The following DBR1 variants were observed in gnomAD, a reference collection of about 807,000 sequenced individuals.
DBR1 encodes lariat debranching enzyme.
DBR1 carries 33 observed loss-of-function variants against 45.9 expected under a neutral mutation model. That is an observed-to-expected ratio of 0.72 (90% CI 0.55 to 0.96). DBR1 has a LOEUF of 0.96. DBR1 is among the 40% of genes least tolerant of loss of function. The pLI is 0.00. For missense variants in DBR1, 619 were observed against 667.4 expected (o/e 0.93, Z 0.80); for synonymous variants, 235 against 235.9 (o/e 1.00, Z 0.04).
At chr3:138,164,017 C>T (rs2042919381) in intron 5 of DBR1, 159 bp from the exon 6 acceptor site, 1 of 482,014 alleles carries the variant, frequency 2.1e-6, no homozygotes, top group East Asian at 3.4e-5. Flanking sequence ...TAATTCTATA[C>T]CCACTTGTGT....
intron 3 of DBR1, among the ~76,000 whole-genome samples, chr3:138,170,620 A>G (rs1301933005): frequency 6.6e-6 from 1 of 152,254 alleles, no homozygotes; most frequent in African/African-American, 2.4e-5. Flanking sequence ...CCTGCCACAG[A>G]GAAGACAGCC....
chr3:138,171,687 C>T lies in DBR1; in HGVS notation c.349G>A (p.Gly117Ser). Residue 117 changes from glycine (G) to serine (S), a missense_variant, in exon 3 of 8, where the codon GGT becomes AGT. Coordinates refer to ENST00000260803, the MANE Select transcript of DBR1 (RefSeq NM_016216.4). ...LGLAGVVKYRGVRIGGISGIF... is the reference protein window; with the variant it reads ...LGLAGVVKYRSVRIGGISGIF... ...CCAGAGATTCCACCGATCCTTACACCTCGGTATTTTACCACACCAGCCAAA... is the reference window on the plus strand; with the variant it reads ...CCAGAGATTCCACCGATCCTTACACTTCGGTATTTTACCACACCAGCCAAA... The T allele has an allele frequency of 6.2e-7, 1 of 1,613,512 alleles. No homozygotes were observed. Among genetic ancestry groups the T allele is most frequent in the African/African-American group, 1.3e-5 (1 of 74,994 alleles).
Position 138,162,097 on chromosome 3 carries a change from A to G in DBR1, c.1427T>C (p.Ile476Thr). ...ATCCACCGTATCATCAGAAGATACA[A>G]TCATAGAGCCTGGCAAGATCCTGAC... ...SDVRILPGSM[I>T]VSSDDTVDST... Residue 476 changes from isoleucine (I) to threonine (T), a missense_variant, in exon 8 of 8, where the codon ATT (isoleucine) becomes ACT (threonine). Coordinates refer to ENST00000260803, the MANE Select transcript of DBR1 (RefSeq NM_016216.4). 1 of 1,614,182 alleles carries G rather than the reference A, an allele frequency of 6.2e-7. No homozygotes were observed. The highest frequency in any genetic ancestry group is 8.5e-7 in the Non-Finnish European group (1 of 1,180,030).
chr3:138,174,830 C>T lies in DBR1; in HGVS notation c.-35G>A, dbSNP rs1009065637. The T allele has an allele frequency of 1.9e-6, 3 of 1,591,280 alleles. No individual in the cohort carries two copies. Among genetic ancestry groups the T allele is most frequent in the African/African-American group, 1.3e-5 (1 of 74,604 alleles). On this transcript the variant is annotated 5_prime_UTR_variant, in exon 1 of 8. Coordinates refer to ENST00000260803, the MANE Select transcript of DBR1 (RefSeq NM_016216.4). ...CTGAGGAGGTGAGCGCTGCCTGCAA[C>T]GCCCTACACCACAGCCAGCCCAGGA...
rs932581522 is a variant in DBR1, at chr3:138,161,700, G to T, written c.*189C>A. 63 of 531,928 alleles carry T rather than the reference G, an allele frequency of 1.2e-4. No homozygotes were observed. Among genetic ancestry groups the T allele is most frequent in the African/African-American group, 1.1e-3 (59 of 52,352 alleles). 33.0% of individuals were successfully genotyped at this position (531,928 alleles called of 1,614,324 possible). A position where few individuals can be genotyped will look rare whatever the true frequency, so the allele number is the denominator to read the frequency against. ...GTCATTACTAAAAATGCAAAAATTA[G>T]CCGGGTGTGGTGGCGGGCACCTGTA... On this transcript the variant is annotated 3_prime_UTR_variant, in exon 8 of 8. Transcript: ENST00000260803.
In DBR1 at chr3:138,174,917, C is replaced by T. The variant is rs758937340; in HGVS notation, c.-122G>A. On this transcript the variant is annotated 5_prime_UTR_variant, in exon 1 of 8. Coordinates refer to ENST00000260803, the MANE Select transcript of DBR1 (RefSeq NM_016216.4). ...TATAGCCACCGCCTGGGTGTAGACT[C>T]CTGCAAAATAATTCACTTCCGGTTT... is the stretch of plus-strand genomic sequence containing the variant. 5.4e-4 allele frequency: 458 copies of T among 852,794 alleles called. 1 individual carries two copies. The highest frequency in any genetic ancestry group is 6.8e-4 in the Non-Finnish European group (385 of 569,756). The allele number at this position is 852,794 out of a possible 1,614,324, so 52.8% of individuals were successfully genotyped here.
rs763113261 is a variant in DBR1, at chr3:138,163,498, C to T, written c.796-4G>A. 2.6e-6 allele frequency: 4 copies of T among 1,561,466 alleles called. No individual in the cohort carries two copies. The highest frequency in any genetic ancestry group is 3.5e-6 in the Non-Finnish European group (4 of 1,143,646). ...GGTCATGTTCTATCTCTAATATCTA[C>T]AGGATGAAATCAATGTTAAGAAATA... On this transcript the variant is annotated splice_polypyrimidine_tract_variant and splice_region_variant and intron_variant, in intron 6 of 7. Transcript: ENST00000260803.
intron 3 of DBR1, among the ~76,000 whole-genome samples, chr3:138,170,651 A>T (rs2042949871): frequency 6.6e-6 from 1 of 152,188 alleles, no homozygotes; most frequent in African/African-American, 2.4e-5. Context: ...CTCCATTCCA[A>T]CAGTTTAGAA....
chr3:138,165,203 C>A (rs902743100), intron 5 of DBR1, among the ~76,000 whole-genome samples: 1 of 152,064 alleles, frequency 6.6e-6, no homozygotes, highest in Non-Finnish European at 1.5e-5. Context: ...CTGCTGAGGA[C>A]CAAGCAACAG....
Position 138,170,174 on chromosome 3 carries a change from G to T in DBR1, c.422C>A (p.Pro141His). 1 of 1,592,166 alleles carries T rather than the reference G, an allele frequency of 6.3e-7. No individual in the cohort carries two copies. Among genetic ancestry groups the T allele is most frequent in the Non-Finnish European group, 8.6e-7 (1 of 1,167,506 alleles). ...ACTCCTGATTGTAGATGAATTATAA[G>T]GGGGGCACTCAAAATGACCTTAGAT... Reference protein sequence around the residue: ...DYRKGHFECPPYNSSTIRSIY... With the variant: ...DYRKGHFECPHYNSSTIRSIY... Residue 141 changes from proline (P) to histidine (H), a missense_variant, in exon 4 of 8, where the codon CCT (proline) becomes CAT (histidine). Coordinates refer to ENST00000260803, the MANE Select transcript of DBR1 (RefSeq NM_016216.4).
chr3:138,168,836 T>C (rs2042941984), intron 4 of DBR1, among the ~76,000 whole-genome samples: 1 of 152,040 alleles, frequency 6.6e-6, no homozygotes, highest in East Asian at 1.9e-4. Context: ...TGCATGCCTA[T>C]AGTCCAAGCT....
At position 138,161,468 on chromosome 3, in the gene DBR1, A is replaced by G. The variant is rs557317647; in HGVS notation, c.*421T>C. 6.3e-6 allele frequency: 1 copy of G among 158,684 alleles called. No individual in the cohort carries two copies. The highest frequency in any genetic ancestry group is 1.8e-4 in the South Asian group (1 of 5,434). The allele number at this position is 158,684 out of a possible 1,614,324, so 9.8% of individuals were successfully genotyped here. A position where few individuals can be genotyped will look rare whatever the true frequency, so the allele number is the denominator to read the frequency against. Reference sequence around the variant, plus strand: ...TAAAATTCTCTAATGTATCTTCATTATTATAAAGTTAAGTCTTTAGTCAAA... The same window carrying G: ...TAAAATTCTCTAATGTATCTTCATTGTTATAAAGTTAAGTCTTTAGTCAAA... On this transcript the variant is annotated 3_prime_UTR_variant, in exon 8 of 8. Coordinates refer to ENST00000260803, the MANE Select transcript of DBR1 (RefSeq NM_016216.4).
intron 6 of DBR1, 123 bp downstream of exon 6, chr3:138,163,655 C>T (rs888153496): frequency 8.9e-5 from 65 of 730,366 alleles, no homozygotes; most frequent in Non-Finnish European, 1.3e-4. Flanking sequence ...GTAAGATACC[C>T]CCAAAGAATT....
At chr3:138,172,257 CT>C (rs928968437) in intron 2 of DBR1, among the ~76,000 whole-genome samples, 2 of 152,122 alleles carry the variant, frequency 1.3e-5, no homozygotes, top group African/African-American at 4.8e-5. Flanking sequence ...TTGGTAAAAT[CT>C]ATAAACTGTT....
At chr3:138,174,563 C>T (rs543320850) in intron 1 of DBR1, 36 bp downstream of exon 1, 8 of 1,510,702 alleles carry the variant, frequency 5.3e-6, no homozygotes, top group Non-Finnish European at 7.2e-6. Flanking sequence ...AGTCCCACCC[C>T]CCCACCGCCA....
intron 1 of DBR1, 37 bp from the exon 2 acceptor site, chr3:138,173,663 G>A: frequency 6.4e-7 from 1 of 1,559,974 alleles, no homozygotes; most frequent in Non-Finnish European, 8.6e-7. Context: ...CCACAATTAG[G>A]CATAGCAGAA....
chr3:138,170,207 G>A lies in DBR1; in HGVS notation c.404-15C>T. 1 of 1,495,580 alleles carries A rather than the reference G, an allele frequency of 6.7e-7. No individual in the cohort carries two copies. Among genetic ancestry groups the A allele is most frequent in the Non-Finnish European group, 9.2e-7 (1 of 1,088,030 alleles). 92.6% of individuals were successfully genotyped at this position (1,495,580 alleles called of 1,614,324 possible). A position where few individuals can be genotyped will look rare whatever the true frequency, so the allele number is the denominator to read the frequency against. On this transcript the variant is annotated splice_polypyrimidine_tract_variant and intron_variant, in intron 3 of 7. Coordinates refer to ENST00000260803, the MANE Select transcript of DBR1 (RefSeq NM_016216.4). Reference sequence around the variant, plus strand: ...CTCAAAATGACCTTAGATTGAAGCAGAAAAATAAGCTATATTTAATTTCCT... The same window carrying A: ...CTCAAAATGACCTTAGATTGAAGCAAAAAAATAAGCTATATTTAATTTCCT...
In DBR1 at chr3:138,173,598, C is replaced by A. The variant is rs2042964941; in HGVS notation, c.226G>T (p.Val76Phe). 5 of 1,613,736 alleles carry A rather than the reference C, an allele frequency of 3.1e-6. No individual in the cohort carries two copies. The highest frequency in any genetic ancestry group is 3.4e-6 in the Non-Finnish European group (4 of 1,179,834). ...RYYSGEKKAP[V>F]LTLFIGGNHE... is the part of the protein sequence containing the mutation. ...TTTCCCCCAATGAAGAGCGTGAGAA[C>A]TGGAGCCTTTTTCTCTCCAGAGTAA... The change falls in exon 2 of 8, where the codon GTT becomes TTT. Residue 76 changes from valine to phenylalanine, a missense_variant. Physicochemically the swap from Val to Phe is conservative, Grantham distance 50. This residue lies in a region of DBR1 where 430 missense variants were observed against 447.7 expected (regional missense o/e 0.96). Coordinates refer to ENST00000260803, the MANE Select transcript of DBR1 (RefSeq NM_016216.4).
rs141521631 is a variant in DBR1, at chr3:138,161,925, G to C, written c.1599C>G (p.Tyr533Ter). The change falls in exon 8 of 8, where the codon TAC (tyrosine) becomes TAG (stop). Residue 533 changes from tyrosine to a stop codon, truncating the protein, a stop_gained. Transcript: ENST00000260803. LOFTEE classifies it high-confidence loss of function. ...KKIKRRNQAI[Y>*]AAVDDDDDDA... ...CGTCATCATCATCATCCACTGCAGC[G>C]TAAATGGCTTGATTCCTCCTCTTAA... 1 of 1,613,770 alleles carries C rather than the reference G, an allele frequency of 6.2e-7. No homozygotes were observed. The highest frequency in any genetic ancestry group is 8.5e-7 in the Non-Finnish European group (1 of 1,179,820).
Sources: allele counts gnomAD v4.1 joint callset (sites outside exome capture counted in the v4.1 genomes callset), GRCh38; gene constraint gnomAD v4.1.1; regional missense constraint gnomAD v4.1.1; transcripts MANE v1.5; gene names NCBI Gene and HGNC (gene_info 2026-07-23, HGNC 2026-07-21).